The following KY variants were observed in gnomAD, a reference collection of about 807,000 sequenced individuals.
KY encodes the protein kyphoscoliosis peptidase.
A neutral mutation model predicts 76.1 loss-of-function variants in KY; 43 were observed. The observed-to-expected ratio is 0.57, with a 90% CI of 0.44 to 0.73. KY has a LOEUF of 0.73. KY is among the 30% of genes least tolerant of loss of function. The probability of loss-of-function intolerance (pLI) is 0.00; values close to 1 mark genes in which losing one functional copy is unlikely to be tolerated. For synonymous variants in KY, 277 were observed against 326.2 expected (o/e 0.85, Z 1.63); for missense variants, 722 against 828.9 (o/e 0.87, Z 1.58).
intron 5 of KY, among the ~76,000 whole-genome samples, chr3:134,626,441 A>T (rs1963458931): frequency 6.6e-6 from 1 of 152,178 alleles, no homozygotes; most frequent in African/African-American, 2.4e-5. Flanking sequence ...GGAGCATATC[A>T]TGTTGTGATG....
rs551092937 is a variant in KY at position 134,641,538 on chromosome 3, G to T, written c.262+1778C>A. On this transcript the variant is annotated intron_variant, in intron 3 of 10. Transcript: ENST00000423778. ...CAGCAGGAAGAGGCAAGGAATGAAT[G>T]CACCCCTAGAGCCTCTAAAAAACGC... Among the ~76,000 whole-genome samples the T allele has an allele frequency of 7.6e-4, 116 of 152,252 alleles. 2 individuals are homozygous for T. Among genetic ancestry groups the T allele is most frequent in the Non-Finnish European group, 5.0e-4 (34 of 68,022 alleles).
At position 134,604,175 on chromosome 3, in the gene KY, T is replaced by G; in HGVS notation, c.1390A>C (p.Met464Leu). 1 of 1,610,404 alleles carries G rather than the reference T, an allele frequency of 6.2e-7. No homozygotes were observed. Among genetic ancestry groups the G allele is most frequent in the Non-Finnish European group, 8.5e-7 (1 of 1,178,298 alleles). ...ATAGGGTCAGGGTGGGAGGGCTTCA[T>G]GATGCCCATCTGCTCCGAGAACCAG... Reference protein sequence around the residue: ...PSWFSEQMGIMKPSHPDPIIH... With the variant: ...PSWFSEQMGILKPSHPDPIIH... The change falls in exon 11 of 11, where the codon ATG (methionine) becomes CTG (leucine). Residue 464 changes from methionine to leucine, a missense_variant. Physicochemically the swap from Met to Leu is conservative, Grantham distance 15. Around this residue, in one of 2 missense-constraint regions of KY, gnomAD observed 552 missense variants for 680.9 expected, o/e 0.81. Transcript: ENST00000423778.
At chr3:134,630,267 C>T (rs958108173) in intron 3 of KY, among the ~76,000 whole-genome samples, 8 of 152,202 alleles carry the variant, frequency 5.3e-5, no homozygotes, top group African/African-American at 1.9e-4. Context: ...AACTCAGCCC[C>T]CAGGCAATTC....
At chr3:134,624,855 G>A (rs1297848521) in intron 6 of KY, among the ~76,000 whole-genome samples, 198 bp downstream of exon 6, 1 of 152,182 alleles carries the variant, frequency 6.6e-6, no homozygotes, top group Non-Finnish European at 1.5e-5. Flanking sequence ...GCTGGGGGAT[G>A]GAATGGCCTC....
intron 4 of KY, among the ~76,000 whole-genome samples, chr3:134,628,934 C>T (rs576183881): frequency 6.6e-6 from 1 of 152,314 alleles, no homozygotes; most frequent in African/African-American, 2.4e-5. Context: ...AGGACTTTGG[C>T]TCACTGCATG....
Position 134,625,215 on chromosome 3 carries a change from A to G in KY, c.401-80T>C, listed in dbSNP as rs531046906. ...TGGCCTAGGCCTTGCTGTCTCTTTG[A>G]GGAGCTGTGACTGTCCAACCTTTAA... On this transcript the variant is annotated intron_variant, in intron 5 of 10. Transcript: ENST00000423778. 2.5e-5 allele frequency: 28 copies of G among 1,111,426 alleles called. No individual in the cohort carries two copies. The African/African-American group carries it at 3.2e-4, about 13-fold the overall frequency. 68.8% of individuals were successfully genotyped at this position (1,111,426 alleles called of 1,614,324 possible). A position where few individuals can be genotyped will look rare whatever the true frequency, so the allele number is the denominator to read the frequency against.
chr3:134,608,269 T>A, intron 10 of KY: 7 of 1,202,138 alleles, frequency 5.8e-6, no homozygotes, highest in Non-Finnish European at 7.4e-6. Flanking sequence ...GTAGTCCTTT[T>A]CCCTGCTATG....
At chr3:134,646,101 T>C (rs1966405126) in intron 2 of KY, among the ~76,000 whole-genome samples, 1 of 152,218 alleles carries the variant, frequency 6.6e-6, no homozygotes, top group Non-Finnish European at 1.5e-5. Flanking sequence ...GGGCTTAGCA[T>C]GCATACCTTC....
Position 134,602,462 on chromosome 3 carries a change from C to A in KY, c.*1117G>T, listed in dbSNP as rs571591392. 2.0e-5 allele frequency among the ~76,000 whole-genome samples: 3 copies of A among 152,154 alleles called. No homozygotes were observed. The highest frequency in any genetic ancestry group is 4.4e-5 in the Non-Finnish European group (3 of 68,006). On this transcript the variant is annotated 3_prime_UTR_variant, in exon 11 of 11. Transcript: ENST00000423778. Reference sequence around the variant, plus strand: ...AGGAGACGGGATAGGATGTTTTCTCCGAGACAGGCACAAAAGCTGCTCTCG... The same window carrying A: ...AGGAGACGGGATAGGATGTTTTCTCAGAGACAGGCACAAAAGCTGCTCTCG...
Position 134,620,743 on chromosome 3 carries a change from G to T in KY, c.592+6C>A. ...CTAGAGCCAGAAATTCCACAGGGGGGCCTACCTATGTGATGGCAGATCCAG... is the reference window on the plus strand; with the variant it reads ...CTAGAGCCAGAAATTCCACAGGGGGTCCTACCTATGTGATGGCAGATCCAG... On this transcript the variant is annotated splice_donor_region_variant and intron_variant, in intron 7 of 10. Coordinates refer to ENST00000423778, the MANE Select transcript of KY (RefSeq NM_178554.6). 3 of 1,605,926 alleles carry T rather than the reference G, an allele frequency of 1.9e-6. No homozygotes were observed. The highest frequency in any genetic ancestry group is 2.6e-6 in the Non-Finnish European group (3 of 1,173,256).
intron 9 of KY, 67 bp downstream of exon 9, chr3:134,610,128 C>T: frequency 6.6e-7 from 1 of 1,523,400 alleles, no homozygotes. Flanking sequence ...CCTGCTGCTT[C>T]ATGCTGCCTG....
Position 134,650,447 on chromosome 3 carries a change from T to TG in KY, c.136+377dup, listed in dbSNP as rs1003466047. On this transcript the variant is annotated intron_variant, in intron 1 of 10. Coordinates refer to ENST00000423778, the MANE Select transcript of KY (RefSeq NM_178554.6). ...GTCCCCTGTGCCCTGCAGTGTGCTGTGGGGGGGAGCAGGCCTCTGCTACCC... is the reference window on the plus strand; with the variant it reads ...GTCCCCTGTGCCCTGCAGTGTGCTGTGGGGGGGGAGCAGGCCTCTGCTACCC... Among the ~76,000 whole-genome samples, 61 of 152,148 alleles carry TG rather than the reference T, an allele frequency of 4.0e-4. 1 individual carries two copies. The highest frequency in any genetic ancestry group is 9.6e-4 in the African/African-American group (40 of 41,520).
chr3:134,640,241 CA>C (rs1028731848), intron 3 of KY, among the ~76,000 whole-genome samples: 1 of 152,048 alleles, frequency 6.6e-6, no homozygotes, highest in Non-Finnish European at 1.5e-5. Flanking sequence ...GTACTGCACC[CA>C]AATCAACACC....
At chr3:134,624,509 T>C (rs1328618781) in intron 6 of KY, among the ~76,000 whole-genome samples, 1 of 152,232 alleles carries the variant, frequency 6.6e-6, no homozygotes, top group Non-Finnish European at 1.5e-5. Context: ...AGCTCCTGCC[T>C]GGCTCCAATG....
At position 134,647,436 on chromosome 3, in the gene KY, G is replaced by A. The variant is rs747530241; in HGVS notation, c.198C>T (p.His66=). The part of the protein sequence containing the change: ...RWQKLEGNDF[H]ENLVEKQHPQ... ...GTTGAAAGGAAAAAGAGAATTTACCGTGAAAGTCATTTCCTTCTAATTTCT... is the reference window on the plus strand; with the variant it reads ...GTTGAAAGGAAAAAGAGAATTTACCATGAAAGTCATTTCCTTCTAATTTCT... Residue 66 remains histidine (H), a splice_region_variant and synonymous_variant, in exon 2 of 11, where the codon CAC becomes CAT. Transcript: ENST00000423778. 31 of 1,606,074 alleles carry A rather than the reference G, an allele frequency of 1.9e-5. No homozygotes were observed. The highest frequency in any genetic ancestry group is 1.5e-4 in the Admixed American group (9 of 59,610).
chr3:134,649,177 A>G (rs1413782443), intron 1 of KY, among the ~76,000 whole-genome samples: 1 of 152,210 alleles, frequency 6.6e-6, no homozygotes, highest in Non-Finnish European at 1.5e-5. Flanking sequence ...CGGCCATCAG[A>G]AAAATATTTG....
Position 134,647,505 on chromosome 3 carries a change from A to C in KY, c.137-8T>G. The C allele has an allele frequency of 6.3e-7, 1 of 1,596,114 alleles. No homozygotes were observed. Among genetic ancestry groups the C allele is most frequent in the Non-Finnish European group, 8.6e-7 (1 of 1,164,724 alleles). ...TTCCAACACCTTGGAATCCTGCAAA[A>C]TAACAAGCTTCTCTGAGGTGGGAGA... is the stretch of plus-strand genomic sequence containing the variant. On this transcript the variant is annotated splice_polypyrimidine_tract_variant and splice_region_variant and intron_variant, in intron 1 of 10. Coordinates refer to ENST00000423778, the MANE Select transcript of KY (RefSeq NM_178554.6).
At chr3:134,649,935 C>G (rs1165783482) in intron 1 of KY, among the ~76,000 whole-genome samples, 1 of 152,224 alleles carries the variant, frequency 6.6e-6, no homozygotes, top group African/African-American at 2.4e-5. Flanking sequence ...CCTGCATGGG[C>G]TGTCAGGCCT....
chr3:134,603,078 T>C lies in KY; in HGVS notation c.*501A>G, dbSNP rs1314344048. 1 of 152,646 alleles carries C rather than the reference T, an allele frequency of 6.6e-6. No homozygotes were observed. The highest frequency in any genetic ancestry group is 1.5e-5 in the Non-Finnish European group (1 of 68,406). The allele number at this position is 152,646 out of a possible 1,614,324, so 9.5% of individuals were successfully genotyped here. On this transcript the variant is annotated 3_prime_UTR_variant, in exon 11 of 11. Transcript: ENST00000423778. ...TCTGGGAGGAGAAGATAGTCCAAGATTCCCTGGGGGCTCGGAGCTGTCGAG... is the reference window on the plus strand; with the variant it reads ...TCTGGGAGGAGAAGATAGTCCAAGACTCCCTGGGGGCTCGGAGCTGTCGAG...
Sources: gnomAD v4.1 joint callset for allele counts (sites outside exome capture counted in the v4.1 genomes callset) on GRCh38, gnomAD v4.1.1 for gene constraint, gnomAD v4.1.1 regional missense constraint, MANE v1.5 for transcripts, NCBI Gene and HGNC (gene_info 2026-07-23, HGNC 2026-07-21) for gene names.